Variants in CASKIN2 observed in about 807,000 individuals in gnomAD.
The protein encoded by CASKIN2 is caskin-2.
CASKIN2 carries 41 observed loss-of-function variants against 107.1 expected under a neutral mutation model. The ratio of observed to expected loss-of-function variants is 0.38; its 90% CI spans 0.30 to 0.50. The LOEUF is 0.50. Ranked by LOEUF, CASKIN2 falls within the 20% of genes least tolerant of loss-of-function variation. The probability of loss-of-function intolerance (pLI) is 0.92; values close to 1 mark genes in which losing one functional copy is unlikely to be tolerated. For synonymous variants in CASKIN2, 724 were observed against 705.6 expected (o/e 1.03, Z -0.41); for missense variants, 1,546 against 1,657.4 (o/e 0.93, Z 1.17).
rs758777049 is a variant in CASKIN2 at position 75,505,093 on chromosome 17, G to T, written c.931-20C>A. On this transcript the variant is annotated intron_variant, in intron 10 of 19. Transcript: ENST00000321617. The surrounding 1 kb of genome is among the most constrained non-coding windows in gnomAD (Gnocchi z 5.1). The stretch of plus-strand genomic sequence containing the variant: ...TAGCACCTGCGGCCAGGGGTGGGGG[G>T]CGGGGACGGTCACTCCCAGCACCAG... 2.5e-6 allele frequency: 3 copies of T among 1,198,992 alleles called. No individual in the cohort carries two copies. The highest frequency in any genetic ancestry group is 2.4e-5 in the South Asian group (2 of 83,354). 74.3% of individuals were successfully genotyped at this position (1,198,992 alleles called of 1,614,324 possible).
chr17:75,503,820 G>A (rs781497949), intron 15 of CASKIN2, 32 bp downstream of exon 15: 36 of 1,609,964 alleles, frequency 2.2e-5, no homozygotes, highest in African/African-American at 6.7e-5. Flanking sequence ...TCCCCCGCCC[G>A]CTGGGTGCTG....
At position 75,501,566 on chromosome 17, in the gene CASKIN2, GC is replaced by G; in HGVS notation, c.3419del (p.Gly1140AlafsTer20). On this transcript the variant is annotated frameshift_variant, in exon 19 of 20. Coordinates refer to ENST00000321617, the MANE Select transcript of CASKIN2 (RefSeq NM_020753.5). LOFTEE classifies it high-confidence loss of function. Reference sequence around the variant, plus strand: ...CCAGTCTCTGCTGGGCCTGGCCTGGGCCCACAGTCCCAGTGCTCTCAGGCCG... The same window carrying G: ...CCAGTCTCTGCTGGGCCTGGCCTGGGCCACAGTCCCAGTGCTCTCAGGCCG... The part of the protein sequence containing the change: ...PPRPESTGTV[G>X]PGQAQQRLEQ... 1 of 1,611,596 alleles carries G rather than the reference GC, an allele frequency of 6.2e-7. No homozygotes were observed. Among genetic ancestry groups the G allele is most frequent in the East Asian group, 2.2e-5 (1 of 44,824 alleles).
At chr17:75,501,224 G>T (rs2053176977) in intron 19 of CASKIN2, 54 bp from the exon 20 acceptor site, 1 of 1,476,244 alleles carries the variant, frequency 6.8e-7, no homozygotes, top group African/African-American at 1.4e-5. Flanking sequence ...CACCCCACTG[G>T]CCCTGGGGCA....
In CASKIN2 at chr17:75,507,043, C is replaced by T. The variant is rs572514848; in HGVS notation, c.331G>A (p.Ala111Thr). 2.2e-5 allele frequency: 35 copies of T among 1,612,764 alleles called. No homozygotes were observed. The highest frequency in any genetic ancestry group is 1.3e-4 in the Admixed American group (8 of 59,988). Reference protein sequence around the residue: ...LLRASAAVNAASLDGQIPLHL... With the variant: ...LLRASAAVNATSLDGQIPLHL... The stretch of plus-strand genomic sequence containing the variant: ...AGGGGGATCTGTCCGTCCAGCGAGG[C>T]GGCATTGACAGCCGCAGAGGCGCGC... The change falls in exon 5 of 20, where the codon GCC becomes ACC. Residue 111 changes from alanine to threonine, a missense_variant. Coordinates refer to ENST00000321617, the MANE Select transcript of CASKIN2 (RefSeq NM_020753.5).
In CASKIN2 at chr17:75,501,863, G is replaced by A. The variant is rs546501855; in HGVS notation, c.3211C>T (p.Leu1071=). 7 of 1,563,256 alleles carry A rather than the reference G, an allele frequency of 4.5e-6. No individual in the cohort carries two copies. The South Asian group carries it at 7.3e-5, about 16-fold the overall frequency. The change falls in exon 18 of 20, where the codon CTG becomes TTG. Residue 1071 remains leucine, a synonymous_variant. Transcript: ENST00000321617. ...PPVPPCPGPG[L]ESSAASRWNG... Reference sequence around the variant, plus strand: ...CACCGACTAGCTGCTGAGCTTTCCAGACCTGGCCCTGGGCAGGGCGGCACT... The same window carrying A: ...CACCGACTAGCTGCTGAGCTTTCCAAACCTGGCCCTGGGCAGGGCGGCACT...
intron 1 of CASKIN2, 151 bp downstream of exon 1, chr17:75,515,250 C>CG (rs919512874): frequency 6.5e-6 from 1 of 152,730 alleles, no homozygotes; most frequent in African/African-American, 2.4e-5. Flanking sequence ...GCGGGCCAAG[C>CG]GCCCGAGGTA....
chr17:75,507,556 G>C (rs1261098874), intron 4 of CASKIN2, 28 bp downstream of exon 4: 7 of 1,566,574 alleles, frequency 4.5e-6, no homozygotes, highest in Non-Finnish European at 6.1e-6. Context: ...TGCCCAGGGT[G>C]GGGGTCGGGG....
At chr17:75,511,344 A>G (rs2053314380) in intron 2 of CASKIN2, among the ~76,000 whole-genome samples, 1 of 152,062 alleles carries the variant, frequency 6.6e-6, no homozygotes, top group African/African-American at 2.4e-5. Context: ...ATCTCTTTAA[A>G]AAGAAAAGAA....
chr17:75,505,079 G>T lies in CASKIN2; in HGVS notation c.931-6C>A. 7.8e-7 allele frequency: 1 copy of T among 1,288,880 alleles called. No individual in the cohort carries two copies. The allele number at this position is 1,288,880 out of a possible 1,614,324, so 79.8% of individuals were successfully genotyped here. Reference sequence around the variant, plus strand: ...TCGGGATGCTGTTCTAGCACCTGCGGCCAGGGGTGGGGGGCGGGGACGGTC... The same window carrying T: ...TCGGGATGCTGTTCTAGCACCTGCGTCCAGGGGTGGGGGGCGGGGACGGTC... On this transcript the variant is annotated splice_polypyrimidine_tract_variant and splice_region_variant and intron_variant, in intron 10 of 19. Coordinates refer to ENST00000321617, the MANE Select transcript of CASKIN2 (RefSeq NM_020753.5). This position sits in a 1 kb window ranked among gnomAD's most constrained non-coding sequence, Gnocchi z 5.1.
intron 2 of CASKIN2, among the ~76,000 whole-genome samples, chr17:75,511,736 A>T (rs1311264243): frequency 6.6e-6 from 1 of 152,076 alleles, no homozygotes; most frequent in Non-Finnish European, 1.5e-5. Context: ...TTTGGGACTG[A>T]GGGAAGGGAC....
rs946581510 is a variant in CASKIN2, at chr17:75,502,289, T to C, written c.2785A>G (p.Thr929Ala). ...PPAPAGPASD[T>A]EEEEPGPEGT... is the part of the protein sequence containing the mutation. The stretch of plus-strand genomic sequence containing the variant: ...TCAGGGCCTGGCTCCTCCTCCTCCG[T>C]GTCTGACGCGGGCCCAGCCGGGGCA... The change falls in exon 18 of 20, where the codon ACG (threonine) becomes GCG (alanine). Residue 929 changes from threonine to alanine, a missense_variant. Physicochemically the swap from Thr to Ala is moderately conservative, Grantham distance 58 (BLOSUM62 0). Coordinates refer to ENST00000321617, the MANE Select transcript of CASKIN2 (RefSeq NM_020753.5). This position sits in a 1 kb window ranked among gnomAD's most constrained non-coding sequence, Gnocchi z 4.3. 32 of 1,507,788 alleles carry C rather than the reference T, an allele frequency of 2.1e-5. No homozygotes were observed. Among genetic ancestry groups the C allele is most frequent in the Non-Finnish European group, 2.8e-5 (32 of 1,131,618 alleles). The allele number at this position is 1,507,788 out of a possible 1,614,324, so 93.4% of individuals were successfully genotyped here.
chr17:75,502,335 G>A lies in CASKIN2; in HGVS notation c.2739C>T (p.Pro913=), dbSNP rs779118423. The change falls in exon 18 of 20, where the codon CCC becomes CCT. Residue 913 remains proline, a synonymous_variant. Coordinates refer to ENST00000321617, the MANE Select transcript of CASKIN2 (RefSeq NM_020753.5). This position sits in a 1 kb window ranked among gnomAD's most constrained non-coding sequence, Gnocchi z 4.3. The part of the protein sequence containing the change: ...RRRTLSEPAG[P]SEPPGPPAPA... ...GGGCAGGTGGGCCAGGGGGCTCTGA[G>A]GGGCCAGCAGGTTCACTCAGTGTTC... 1 of 1,479,304 alleles carries A rather than the reference G, an allele frequency of 6.8e-7. No homozygotes were observed. Among genetic ancestry groups the A allele is most frequent in the Admixed American group, 2.6e-5 (1 of 38,922 alleles). 91.6% of individuals were successfully genotyped at this position (1,479,304 alleles called of 1,614,324 possible).
Position 75,502,265 on chromosome 17 carries a change from C to T in CASKIN2, c.2809G>A (p.Glu937Lys). The change falls in exon 18 of 20, where the codon GAG (glutamate) becomes AAG (lysine). Residue 937 changes from glutamate (E) to lysine (K), a missense_variant. Physicochemically the swap from Glu to Lys is moderately conservative, Grantham distance 56. This residue lies in a region of CASKIN2 where 1,311 missense variants were observed against 1,311.0 expected (regional missense o/e 1.00). Coordinates refer to ENST00000321617, the MANE Select transcript of CASKIN2 (RefSeq NM_020753.5). The surrounding 1 kb of genome is among the most constrained non-coding windows in gnomAD (Gnocchi z 4.3). The stretch of plus-strand genomic sequence containing the variant: ...CTGCCCCGAGATGGGGGCGTCCCCT[C>T]AGGGCCTGGCTCCTCCTCCTCCGTG... Reference protein sequence around the residue: ...SDTEEEEPGPEGTPPSRGSSG... With the variant: ...SDTEEEEPGPKGTPPSRGSSG... The T allele has an allele frequency of 6.5e-7, 1 of 1,535,668 alleles. No individual in the cohort carries two copies. Among genetic ancestry groups the T allele is most frequent in the African/African-American group, 1.4e-5 (1 of 73,776 alleles).
Position 75,507,595 on chromosome 17 carries a change from T to C in CASKIN2, c.233A>G (p.Lys78Arg). 6.2e-7 allele frequency: 1 copy of C among 1,612,938 alleles called. No homozygotes were observed. Residue 78 changes from lysine to arginine, a missense_variant, in exon 4 of 20, where the codon AAG becomes AGG. Lys to Arg is a conservative substitution (Grantham distance 26, BLOSUM62 2). Transcript: ENST00000321617. ...LLEAQATVDI[K>R]DSNGMRPLHY... ...CATGGGGGTCTCACCATTGCTGTCC[T>C]TGATGTCAACAGTGGCCTGAGCCTC...
Position 75,506,212 on chromosome 17 carries a change from C to G in CASKIN2, c.726+93G>C, listed in dbSNP as rs1214302110. 7.9e-6 allele frequency: 9 copies of G among 1,132,792 alleles called. No individual in the cohort carries two copies. Among genetic ancestry groups the G allele is most frequent in the Admixed American group, 2.0e-5 (1 of 49,048 alleles). 70.2% of individuals were successfully genotyped at this position (1,132,792 alleles called of 1,614,324 possible). A position where few individuals can be genotyped will look rare whatever the true frequency, so the allele number is the denominator to read the frequency against. On this transcript the variant is annotated intron_variant, in intron 8 of 19. Transcript: ENST00000321617. This position sits in a 1 kb window ranked among gnomAD's most constrained non-coding sequence, Gnocchi z 4.8. Reference sequence around the variant, plus strand: ...TCCTGACGCCCATGCAAAAACCACGCTGGAGTCCTCCGTCCCGTACCTCCC... The same window carrying G: ...TCCTGACGCCCATGCAAAAACCACGGTGGAGTCCTCCGTCCCGTACCTCCC...
intron 2 of CASKIN2, among the ~76,000 whole-genome samples, chr17:75,510,798 C>T (rs2053309960): frequency 6.6e-6 from 1 of 151,842 alleles, no homozygotes; most frequent in African/African-American, 2.4e-5. Context: ...TACTATGTTG[C>T]CCAGGCCAGT....
chr17:75,501,598 G>A lies in CASKIN2; in HGVS notation c.3388C>T (p.Pro1130Ser), dbSNP rs887624057. 5.6e-6 allele frequency: 9 copies of A among 1,607,518 alleles called. No individual in the cohort carries two copies. In the African/African-American group the frequency reaches 1.2e-4, roughly 21 times the overall value. The change falls in exon 19 of 20, where the codon CCT becomes TCT. Residue 1130 changes from proline (P) to serine (S), a missense_variant. Physicochemically the swap from Pro to Ser is moderately conservative, Grantham distance 74. Transcript: ENST00000321617. Reference protein sequence around the residue: ...APRLGPRPVPPPRPESTGTVG... With the variant: ...APRLGPRPVPSPRPESTGTVG... ...GTCCCAGTGCTCTCAGGCCGTGGAGGAGGCACTGGGCGGGGGCCGAGCCGG... is the reference window on the plus strand; with the variant it reads ...GTCCCAGTGCTCTCAGGCCGTGGAGAAGGCACTGGGCGGGGGCCGAGCCGG...
At position 75,506,489 on chromosome 17, in the gene CASKIN2, G is replaced by C; in HGVS notation, c.618-76C>G. On this transcript the variant is annotated intron_variant, in intron 7 of 19. Coordinates refer to ENST00000321617, the MANE Select transcript of CASKIN2 (RefSeq NM_020753.5). The surrounding 1 kb of genome is among the most constrained non-coding windows in gnomAD (Gnocchi z 4.8). The stretch of plus-strand genomic sequence containing the variant: ...GACTGCTGGGGGCCTGGGAGATGGA[G>C]AGCCCGGGTGAAAAGGGCAGTGGGG... 6.3e-7 allele frequency: 1 copy of C among 1,589,274 alleles called. No individual in the cohort carries two copies. Among genetic ancestry groups the C allele is most frequent in the Non-Finnish European group, 8.6e-7 (1 of 1,165,682 alleles).
chr17:75,506,342 A>C lies in CASKIN2; in HGVS notation c.689T>G (p.Leu230Arg). The change falls in exon 8 of 20, where the codon CTG (leucine) becomes CGG (arginine). Residue 230 changes from leucine to arginine, a missense_variant. By Grantham distance (102) the Leu-to-Arg change is moderately radical (BLOSUM62 -2). Around this residue, in one of 6 missense-constraint regions of CASKIN2, gnomAD observed 62 missense variants for 81.1 expected, o/e 0.76. Coordinates refer to ENST00000321617, the MANE Select transcript of CASKIN2 (RefSeq NM_020753.5). The surrounding 1 kb of genome is among the most constrained non-coding windows in gnomAD (Gnocchi z 4.8). ...KTGTALHEAA[L>R]YGKTEVVRLL... is the part of the protein sequence containing the mutation. Reference sequence around the variant, plus strand: ...CCGCACCACCTCGGTCTTGCCATACAGTGCGGCCTCGTGGAGCGCCGTACC... The same window carrying C: ...CCGCACCACCTCGGTCTTGCCATACCGTGCGGCCTCGTGGAGCGCCGTACC... 1 of 1,612,100 alleles carries C rather than the reference A, an allele frequency of 6.2e-7. No individual in the cohort carries two copies. Among genetic ancestry groups the C allele is most frequent in the Non-Finnish European group, 8.5e-7 (1 of 1,179,950 alleles).
Sources: gnomAD v4.1 joint callset for allele counts (sites outside exome capture counted in the v4.1 genomes callset) on GRCh38, gnomAD v4.1.1 for gene constraint, gnomAD v4.1.1 regional missense constraint, Gnocchi (gnomAD v3.1) non-coding constraint, MANE v1.5 for transcripts, NCBI Gene and HGNC (gene_info 2026-07-23, HGNC 2026-07-21) for gene names.